Variants in GMPR2 observed in about 807,000 individuals in gnomAD.
The protein encoded by GMPR2 is GMP reductase 2.
GMPR2 carries 32 observed loss-of-function variants against 38.5 expected under a neutral mutation model. The ratio of observed to expected loss-of-function variants is 0.83; its 90% CI spans 0.63 to 1.12. GMPR2 has a LOEUF of 1.12. Among genes scored for constraint, GMPR2 ranks in the 50% most tolerant of loss-of-function variants. The pLI, the probability that GMPR2 is intolerant of heterozygous loss-of-function variation, is 0.00. For synonymous variants in GMPR2, 154 were observed against 151.0 expected (o/e 1.02, Z -0.15); for missense variants, 396 against 432.1 (o/e 0.92, Z 0.74).
chr14:24,236,217 C>A, intron 5 of GMPR2, 77 bp downstream of exon 5: 1 of 992,418 alleles, frequency 1.0e-6, no homozygotes, highest in Non-Finnish European at 1.6e-6. Flanking sequence ...CAGTCCATTT[C>A]TCCTCTGCTG....
intron 5 of GMPR2, among the ~76,000 whole-genome samples, chr14:24,236,668 G>A (rs980984794): frequency 1.3e-5 from 2 of 152,200 alleles, no homozygotes; most frequent in African/African-American, 4.8e-5. Flanking sequence ...ATATGTTTGG[G>A]TCTCTTGAGG....
chr14:24,232,895 C>T (rs2040112172), upstream of GMPR2: 4 of 397,244 alleles, frequency 1.0e-5, no homozygotes, highest in South Asian at 3.2e-5. Context: ...CCCCGCCCCC[C>T]GTCGCCAACA....
intron 3 of GMPR2, among the ~76,000 whole-genome samples, chr14:24,234,821 TTGA>T (rs1488671152): frequency 6.6e-6 from 1 of 152,244 alleles, no homozygotes; most frequent in Non-Finnish European, 1.5e-5. Context: ...TATCAGTATG[TTGA>T]TGATAGAGTT....
intron 3 of GMPR2, 86 bp from the exon 4 acceptor site, chr14:24,235,651 C>T: frequency 1.1e-6 from 1 of 900,150 alleles, no homozygotes; most frequent in Non-Finnish European, 1.9e-6. Context: ...CAATCATGTC[C>T]TCCCTCAGAT....
Position 24,238,647 on chromosome 14 carries a change from C to G in GMPR2, c.916C>G (p.Arg306Gly), listed in dbSNP as rs574424738. 9 of 1,613,858 alleles carry G rather than the reference C, an allele frequency of 5.6e-6. No individual in the cohort carries two copies. Among genetic ancestry groups the G allele is most frequent in the African/African-American group, 5.3e-5 (4 of 74,984 alleles). Reference sequence around the variant, plus strand: ...TAAAGGAGATGTGGAACATACCATCCGAGACATCCTAGGAGGGATCCGCTC... The same window carrying G: ...TAAAGGAGATGTGGAACATACCATCGGAGACATCCTAGGAGGGATCCGCTC... ...PFKGDVEHTI[R>G]DILGGIRSTC... is the part of the protein sequence containing the mutation. Residue 306 changes from arginine (R) to glycine (G), a missense_variant, in exon 10 of 10, where the codon CGA (arginine) becomes GGA (glycine). By Grantham distance (125) the Arg-to-Gly change is moderately radical. Transcript: ENST00000399440.
chr14:24,238,121 A>C, intron 8 of GMPR2, 125 bp from the exon 9 acceptor site: 1 of 836,486 alleles, frequency 1.2e-6, no homozygotes, highest in Non-Finnish European at 1.9e-6. Flanking sequence ...CAGCTAGGGA[A>C]GCAGAAGGAG....
At chr14:24,237,423 A>C in intron 7 of GMPR2, 72 bp downstream of exon 7, 6 of 1,500,080 alleles carry the variant, frequency 4.0e-6, no homozygotes, top group Non-Finnish European at 5.6e-6. Context: ...GATGGATTAG[A>C]ATTCCTGGGT....
intron 3 of GMPR2, chr14:24,234,077 A>T (rs1228282797): frequency 1.6e-6 from 2 of 1,284,046 alleles, no homozygotes; most frequent in Admixed American, 2.3e-5. Flanking sequence ...TACTTCTGCC[A>T]TTCTTTTTTT....
chr14:24,237,243 A>G lies in GMPR2; in HGVS notation c.548-2A>G. On this transcript the variant is annotated splice_acceptor_variant, in intron 6 of 9. Transcript: ENST00000399440. LOFTEE classifies it high-confidence loss of function. Reference sequence around the variant, plus strand: ...TTCTTACCCTTATCATGTTCTTCCTAGGCTCTGTGTGTACTACTCGGAAGA... The same window carrying G: ...TTCTTACCCTTATCATGTTCTTCCTGGGCTCTGTGTGTACTACTCGGAAGA... 6.3e-7 allele frequency: 1 copy of G among 1,598,994 alleles called. No homozygotes were observed. Among genetic ancestry groups the G allele is most frequent in the Non-Finnish European group, 8.6e-7 (1 of 1,166,238 alleles).
intron 7 of GMPR2, 60 bp from the exon 8 acceptor site, chr14:24,237,460 G>A: frequency 2.1e-5 from 33 of 1,571,774 alleles, no homozygotes; most frequent in Non-Finnish European, 2.8e-5. Context: ...TTGGGCTGTT[G>A]GGACATCGCT....
rs929281874 is a variant in GMPR2 at position 24,238,391 on chromosome 14, C to T, written c.843C>T (p.Gly281=). The T allele has an allele frequency of 1.1e-5, 18 of 1,613,716 alleles. No individual in the cohort carries two copies. The highest frequency in any genetic ancestry group is 6.7e-5 in the East Asian group (3 of 44,892). The change falls in exon 9 of 10, where the codon GGC becomes GGT. Residue 281 remains glycine, a synonymous_variant. Transcript: ENST00000399440. Reference sequence around the variant, plus strand: ...TGGCCATGAAGAAGTATGCTGGGGGCGTGGCTGAGTACAGGTATGTGTGGA... The same window carrying T: ...TGGCCATGAAGAAGTATGCTGGGGGTGTGGCTGAGTACAGGTATGTGTGGA... The part of the protein sequence containing the change: ...SEMAMKKYAG[G]VAEYRASEGK...
Position 24,235,793 on chromosome 14 carries a change from T to C in GMPR2, c.264T>C (p.Phe88=). The change falls in exon 4 of 10, where the codon TTT becomes TTC. Residue 88 remains phenylalanine, a synonymous_variant. Transcript: ENST00000399440. The part of the protein sequence containing the change: ...KHYSLVQWQE[F]AGQNPDCLEH... ...ATAGCCTCGTTCAGTGGCAAGAGTTTGCTGGCCAGAATCCTGACTGTCTTG... is the reference window on the plus strand; with the variant it reads ...ATAGCCTCGTTCAGTGGCAAGAGTTCGCTGGCCAGAATCCTGACTGTCTTG... 6.2e-7 allele frequency: 1 copy of C among 1,613,678 alleles called. No individual in the cohort carries two copies. The highest frequency in any genetic ancestry group is 8.5e-7 in the Non-Finnish European group (1 of 1,179,518).
At chr14:24,236,844 T>C in intron 5 of GMPR2, 1 of 488,932 alleles carries the variant, frequency 2.0e-6, no homozygotes, top group Non-Finnish European at 3.7e-6. Context: ...GGTTCAGTGG[T>C]GACATTGGCC....
At position 24,236,046 on chromosome 14, in the gene GMPR2, A is replaced by G. The variant is rs764620937; in HGVS notation, c.371A>G (p.Lys124Arg). 1 of 1,613,752 alleles carries G rather than the reference A, an allele frequency of 6.2e-7. No individual in the cohort carries two copies. Among genetic ancestry groups the G allele is most frequent in the Non-Finnish European group, 8.5e-7 (1 of 1,179,602 alleles). ...ATCCTGGAAGCTATTCCCCAGGTGA[A>G]GTATATATGCCTGGATGTGGCAAAT... ...EQILEAIPQV[K>R]YICLDVANGY... The change falls in exon 5 of 10, where the codon AAG becomes AGG. Residue 124 changes from lysine (K) to arginine (R), a missense_variant. Physicochemically the swap from Lys to Arg is conservative, Grantham distance 26 (BLOSUM62 2). Transcript: ENST00000399440.
In GMPR2 at chr14:24,237,430, G is replaced by A. The variant is rs1052306248; in HGVS notation, c.654+79G>A. ...GTGGCAGAGATGGATTAGAATTCCT[G>A]GGTTCTTGTTGGCTTTGAGTTGGGC... On this transcript the variant is annotated intron_variant, in intron 7 of 9. Coordinates refer to ENST00000399440, the MANE Select transcript of GMPR2 (RefSeq NM_001002002.3). 2.0e-6 allele frequency: 3 copies of A among 1,511,148 alleles called. No homozygotes were observed. In the African/African-American group the frequency reaches 4.1e-5, roughly 21 times the overall value. 93.6% of individuals were successfully genotyped at this position (1,511,148 alleles called of 1,614,324 possible). A position where few individuals can be genotyped will look rare whatever the true frequency, so the allele number is the denominator to read the frequency against.
intron 8 of GMPR2, chr14:24,238,045 C>A (rs1302810842): frequency 3.7e-6 from 2 of 540,676 alleles, no homozygotes; most frequent in Admixed American, 3.4e-5. Flanking sequence ...TTTTTTAAAT[C>A]TTGGGGAAAT....
At chr14:24,234,364 T>G (rs140064617) in intron 3 of GMPR2, 1 of 441,112 alleles carries the variant, frequency 2.3e-6, no homozygotes, top group Non-Finnish European at 3.7e-6. Flanking sequence ...ATATCCTTTT[T>G]CTATTTTTGA....
rs536221763 is a variant in GMPR2, at chr14:24,238,332, A to G, written c.784A>G (p.Lys262Glu). ...GGELIERDGK[K>E]YKLFYGMSSE... ...TGAGCTCATCGAGAGGGATGGCAAG[A>G]AGTACAAGCTCTTCTATGGAATGAG... The change falls in exon 9 of 10, where the codon AAG (lysine) becomes GAG (glutamate). Residue 262 changes from lysine to glutamate, a missense_variant. Coordinates refer to ENST00000399440, the MANE Select transcript of GMPR2 (RefSeq NM_001002002.3). The G allele has an allele frequency of 5.0e-6, 8 of 1,614,150 alleles. No homozygotes were observed. The highest frequency in any genetic ancestry group is 2.7e-5 in the African/African-American group (2 of 75,024).
intron 3 of GMPR2, 135 bp downstream of exon 3, chr14:24,233,733 T>C: frequency 1.0e-6 from 1 of 962,348 alleles, no homozygotes; most frequent in East Asian, 2.5e-5. Context: ...TTTACGGTTT[T>C]TTCCACTACT....
Sources: allele counts gnomAD v4.1 joint callset (sites outside exome capture counted in the v4.1 genomes callset), GRCh38; gene constraint gnomAD v4.1.1; transcripts MANE v1.5; gene names NCBI Gene and HGNC (gene_info 2026-07-23, HGNC 2026-07-21).